The following FHL5 variants were observed in gnomAD, a reference collection of about 807,000 sequenced individuals.
FHL5 encodes four and a half LIM domains protein 5.
Under a neutral mutation model 32.0 loss-of-function variants are expected in FHL5, and 33 were observed. That is an observed-to-expected ratio of 1.03 (90% CI 0.78 to 1.38). The LOEUF is 1.38. Among genes scored for constraint, FHL5 ranks in the 40% most tolerant of loss-of-function variants. The pLI is 0.00. For synonymous variants in FHL5, 114 were observed against 113.6 expected (o/e 1.00, Z -0.02); for missense variants, 336 against 343.9 (o/e 0.98, Z 0.18).
chr6:96,586,948 C>CA (rs1480289596), intron 1 of FHL5, among the ~76,000 whole-genome samples: 1 of 152,156 alleles, frequency 6.6e-6, no homozygotes, highest in African/African-American at 2.4e-5. Context: ...AGAGATGAAA[C>CA]ACGGCTTTGC....
At chr6:96,601,506 T>C (rs1771149079) in intron 1 of FHL5, among the ~76,000 whole-genome samples, 1 of 152,236 alleles carries the variant, frequency 6.6e-6, no homozygotes. Flanking sequence ...GATGTTGTCA[T>C]GTTTAAAGTG....
At chr6:96,611,723 C>T (rs1771412613) in intron 5 of FHL5, among the ~76,000 whole-genome samples, 1 of 152,152 alleles carries the variant, frequency 6.6e-6, no homozygotes, top group Non-Finnish European at 1.5e-5. Flanking sequence ...AGTCTTCATG[C>T]ACTTTCCAAC....
chr6:96,615,565 T>C (rs1409575269), intron 5 of FHL5, 44 bp from the exon 6 acceptor site: 11 of 1,514,762 alleles, frequency 7.3e-6, no homozygotes, highest in Non-Finnish European at 9.9e-6. Context: ...CTCAATCTGT[T>C]CCTTGAAAGG....
At chr6:96,608,373 ATTT>A (rs939299131) in intron 4 of FHL5, among the ~76,000 whole-genome samples, 94 of 152,286 alleles carry the variant, frequency 6.2e-4, no homozygotes, top group African/African-American at 2.2e-3. Context: ...ATGCCAGATT[ATTT>A]TTTATTTAGT....
chr6:96,579,412 T>C (rs79141643), intron 1 of FHL5, among the ~76,000 whole-genome samples: 235 of 152,338 alleles, frequency 1.5e-3, no homozygotes, highest in Non-Finnish European at 2.2e-3. Context: ...TTATTTCCTA[T>C]ACATTGTGTC....
chr6:96,602,044 A>G (rs1771159132), intron 1 of FHL5, among the ~76,000 whole-genome samples: 1 of 152,186 alleles, frequency 6.6e-6, no homozygotes, highest in South Asian at 2.1e-4. Context: ...CCTTTTCTCT[A>G]CTTGTTAGTG....
Position 96,615,731 on chromosome 6 carries a change from T to A in FHL5, c.814T>A (p.Phe272Ile), listed in dbSNP as rs1771505771. The A allele has an allele frequency of 6.2e-7, 1 of 1,611,762 alleles. No individual in the cohort carries two copies. Among genetic ancestry groups the A allele is most frequent in the African/African-American group, 1.3e-5 (1 of 74,864 alleles). Residue 272 changes from phenylalanine (F) to isoleucine (I), a missense_variant, in exon 6 of 6, where the codon TTC becomes ATC. Transcript: ENST00000450218. ...CTTCCTGACCCAGAACAAGGAAATC[T>A]TCTGCCAAAAATGTGGCTCCGGAAT... ...KGFLTQNKEI[F>I]CQKCGSGMDT...
At chr6:96,582,882 G>A (rs1004236824) in intron 1 of FHL5, among the ~76,000 whole-genome samples, 6 of 152,114 alleles carry the variant, frequency 3.9e-5, no homozygotes, top group African/African-American at 1.4e-4. Flanking sequence ...GCAAATTACA[G>A]TTATAATTTA....
At chr6:96,580,218 A>G (rs1363216574) in intron 1 of FHL5, among the ~76,000 whole-genome samples, 1 of 152,214 alleles carries the variant, frequency 6.6e-6, no homozygotes, top group Non-Finnish European at 1.5e-5. Context: ...GCCTTGAGCC[A>G]TCATCACTTT....
intron 1 of FHL5, among the ~76,000 whole-genome samples, chr6:96,572,381 G>A (rs183987650): frequency 7.9e-5 from 12 of 152,312 alleles, no homozygotes; most frequent in Admixed American, 4.6e-4. Flanking sequence ...CTTCAGCAGG[G>A]GCAGGGGGAG....
At chr6:96,605,725 A>C (rs890548035) in intron 3 of FHL5, among the ~76,000 whole-genome samples, 177 bp from the exon 4 acceptor site, 2 of 151,322 alleles carry the variant, frequency 1.3e-5, no homozygotes, top group Non-Finnish European at 1.5e-5. Flanking sequence ...TTTATTAACC[A>C]TTTTTTTTTC....
At chr6:96,612,715 C>T (rs749898656) in intron 5 of FHL5, among the ~76,000 whole-genome samples, 7 of 152,068 alleles carry the variant, frequency 4.6e-5, no homozygotes, top group Non-Finnish European at 1.0e-4. Flanking sequence ...CTCATCAGTC[C>T]ACAGGAAATG....
chr6:96,593,946 G>A (rs556093066), intron 1 of FHL5, among the ~76,000 whole-genome samples: 1 of 151,640 alleles, frequency 6.6e-6, no homozygotes, highest in South Asian at 2.1e-4. Flanking sequence ...TTTTATTTTG[G>A]GGAAAAATTA....
At chr6:96,613,977 G>T (rs1771464973) in intron 5 of FHL5, among the ~76,000 whole-genome samples, 1 of 152,216 alleles carries the variant, frequency 6.6e-6, no homozygotes, top group South Asian at 2.1e-4. Context: ...TATGAAACCA[G>T]ATAACACAGG....
chr6:96,570,028 G>T (rs1489835679), intron 1 of FHL5, among the ~76,000 whole-genome samples: 1 of 151,720 alleles, frequency 6.6e-6, no homozygotes, highest in Non-Finnish European at 1.5e-5. Flanking sequence ...TAGTGACAAG[G>T]TTTGATTCTT....
chr6:96,585,667 A>G (rs1266042602), intron 1 of FHL5, among the ~76,000 whole-genome samples: 1 of 152,170 alleles, frequency 6.6e-6, no homozygotes, highest in Non-Finnish European at 1.5e-5. Context: ...GCTGCAATCA[A>G]ATCAATGCAG....
At chr6:96,598,781 T>G (rs1397630225) in intron 1 of FHL5, among the ~76,000 whole-genome samples, 11 of 152,242 alleles carry the variant, frequency 7.2e-5, no homozygotes. Flanking sequence ...GAAATGTCCT[T>G]ACTCTTCCTG....
chr6:96,611,376 A>C (rs1430239258), intron 5 of FHL5, among the ~76,000 whole-genome samples: 4 of 152,210 alleles, frequency 2.6e-5, no homozygotes, highest in African/African-American at 9.6e-5. Flanking sequence ...TGAAAAAAAA[A>C]TGTGACATGA....
At chr6:96,589,781 T>G (rs542219291) in intron 1 of FHL5, among the ~76,000 whole-genome samples, 3 of 152,068 alleles carry the variant, frequency 2.0e-5, no homozygotes, top group Non-Finnish European at 4.4e-5. Flanking sequence ...TCTTATATTC[T>G]CAAAGGATTA....
Sources: allele counts gnomAD v4.1 joint callset (sites outside exome capture counted in the v4.1 genomes callset), GRCh38; gene constraint gnomAD v4.1.1; transcripts MANE v1.5; gene names NCBI Gene and HGNC (gene_info 2026-07-23, HGNC 2026-07-21).